Variants in ANKRD13C observed in about 807,000 individuals in gnomAD.
ANKRD13C encodes the protein ankyrin repeat domain 13C.
ANKRD13C carries 16 observed loss-of-function variants against 65.5 expected under a neutral mutation model. That is an observed-to-expected ratio of 0.24 (90% confidence interval 0.17 to 0.37). ANKRD13C has a LOEUF of 0.37. Ranked by LOEUF, ANKRD13C falls within the 10% of genes least tolerant of loss-of-function variation. The pLI is 1.00. For missense variants in ANKRD13C, 503 were observed against 655.9 expected (o/e 0.77, Z 2.55); for synonymous variants, 235 against 238.7 (o/e 0.98, Z 0.14).
At chr1:70,327,731 T>C (rs1171668747) in intron 2 of ANKRD13C, among the ~76,000 whole-genome samples, 1 of 152,182 alleles carries the variant, frequency 6.6e-6, no homozygotes, top group Non-Finnish European at 1.5e-5. Flanking sequence ...TAAAATGTCA[T>C]GATATCTACA....
Position 70,260,902 on chromosome 1 carries a change from A to G in ANKRD13C, c.*1815T>C, listed in dbSNP as rs1276244786. On this transcript the variant is annotated 3_prime_UTR_variant, in exon 13 of 13. Transcript: ENST00000370944. Reference sequence around the variant, plus strand: ...CTAAGGTGTCTGTACTTATGAAAACATATATAGCATATTCCTGAAAGTATA... The same window carrying G: ...CTAAGGTGTCTGTACTTATGAAAACGTATATAGCATATTCCTGAAAGTATA... The G allele has an allele frequency of 1.3e-5, 2 of 152,112 alleles. No individual in the cohort carries two copies. Among genetic ancestry groups the G allele is most frequent in the Non-Finnish European group, 1.5e-5 (1 of 67,954 alleles). The allele number at this position is 152,112 out of a possible 1,614,324, so 9.4% of individuals were successfully genotyped here.
intron 10 of ANKRD13C, 112 bp downstream of exon 10, chr1:70,276,653 A>G (rs1026423892): frequency 1.0e-5 from 9 of 900,034 alleles, no homozygotes; most frequent in Non-Finnish European, 1.2e-5. Flanking sequence ...TCAGTCAAAA[A>G]TATACCAATA....
intron 12 of ANKRD13C, among the ~76,000 whole-genome samples, chr1:70,270,482 G>A (rs1375395496): frequency 3.3e-5 from 5 of 152,140 alleles, no homozygotes; most frequent in Admixed American, 6.6e-5. Context: ...GATCTGTTTC[G>A]TGAAAGATAA....
chr1:70,270,149 C>CAGTA (rs1572020695), intron 12 of ANKRD13C, among the ~76,000 whole-genome samples: 1 of 152,192 alleles, frequency 6.6e-6, no homozygotes. Context: ...TATCCATCAA[C>CAGTA]AGTAACTGCT....
chr1:70,330,325 A>C (rs922055546), intron 2 of ANKRD13C, among the ~76,000 whole-genome samples: 7 of 152,168 alleles, frequency 4.6e-5, no homozygotes, highest in African/African-American at 1.7e-4. Context: ...TGGGAGGCCA[A>C]GGTGGGTGGA....
Position 70,354,275 on chromosome 1 carries a change from T to C in ANKRD13C, c.134A>G (p.Lys45Arg), listed in dbSNP as rs150419511. The C allele has an allele frequency of 1.2e-5, 20 of 1,613,738 alleles. No homozygotes were observed. In the African/African-American group the frequency reaches 1.7e-4, roughly 14 times the overall value. ...GGTFTRSRIG[K>R]GGKACHKIFS... ...GATCTTATGACAAGCTTTGCCGCCC[T>C]TGCCAATCCTGCTTCTGGTAAAGGT... The change falls in exon 1 of 13, where the codon AAG (lysine) becomes AGG (arginine). Residue 45 changes from lysine to arginine, a missense_variant. This residue lies in a region of ANKRD13C where 203 missense variants were observed against 177.6 expected (regional missense o/e 1.14). Coordinates refer to ENST00000370944, the MANE Select transcript of ANKRD13C (RefSeq NM_030816.5).
At chr1:70,282,302 G>T (rs534178752) in intron 9 of ANKRD13C, among the ~76,000 whole-genome samples, 2 of 151,614 alleles carry the variant, frequency 1.3e-5, no homozygotes, top group Admixed American at 1.3e-4. Flanking sequence ...TGATTTGCCC[G>T]CCTCAGCCTC....
intron 9 of ANKRD13C, among the ~76,000 whole-genome samples, chr1:70,286,586 T>C (rs1679631563): frequency 1.3e-5 from 2 of 152,010 alleles, no homozygotes; most frequent in South Asian, 4.1e-4. Flanking sequence ...TACAGTGAGG[T>C]AAGAAAAACA....
intron 4 of ANKRD13C, among the ~76,000 whole-genome samples, 176 bp downstream of exon 4, chr1:70,315,305 G>A (rs560627380): frequency 6.6e-6 from 1 of 151,962 alleles, no homozygotes; most frequent in African/African-American, 2.4e-5. Flanking sequence ...AGTTCAAACT[G>A]AGGTGCTTCT....
At chr1:70,273,002 T>C (rs931659152) in intron 11 of ANKRD13C, among the ~76,000 whole-genome samples, 1 of 150,378 alleles carries the variant, frequency 6.6e-6, no homozygotes, top group Non-Finnish European at 1.5e-5. Flanking sequence ...AATAAATAAA[T>C]AAATAAATAA....
intron 7 of ANKRD13C, among the ~76,000 whole-genome samples, chr1:70,296,899 C>G (rs1680101863): frequency 6.6e-6 from 1 of 152,098 alleles, no homozygotes; most frequent in Non-Finnish European, 1.5e-5. Flanking sequence ...AATGAGTAGT[C>G]ATGCTTCAGG....
At chr1:70,263,502 T>C (rs1678474875) in intron 12 of ANKRD13C, among the ~76,000 whole-genome samples, 1 of 152,132 alleles carries the variant, frequency 6.6e-6, no homozygotes, top group African/African-American at 2.4e-5. Flanking sequence ...AATGAACAAA[T>C]ACACATTAAA....
At chr1:70,282,705 T>C (rs1679451699) in intron 9 of ANKRD13C, among the ~76,000 whole-genome samples, 1 of 152,148 alleles carries the variant, frequency 6.6e-6, no homozygotes, top group Admixed American at 6.5e-5. Flanking sequence ...TTAGGTAAAA[T>C]AGTATCTAGT....
intron 11 of ANKRD13C, among the ~76,000 whole-genome samples, chr1:70,271,899 T>A (rs1275072229): frequency 2.0e-5 from 3 of 152,216 alleles, no homozygotes; most frequent in African/African-American, 7.2e-5. Flanking sequence ...GTCCTCCATA[T>A]CTATTGCTCA....
chr1:70,336,540 G>A (rs1042546764), intron 1 of ANKRD13C, among the ~76,000 whole-genome samples: 1 of 152,044 alleles, frequency 6.6e-6, no homozygotes. Flanking sequence ...TAAATAGAAG[G>A]GAGTACAGCC....
At chr1:70,301,002 C>A in intron 6 of ANKRD13C, 94 bp from the exon 7 acceptor site, 14 of 1,347,322 alleles carry the variant, frequency 1.0e-5, no homozygotes, top group South Asian at 1.5e-5. Context: ...AAACTCAAAC[C>A]AAGATGCTAA....
chr1:70,265,837 A>C (rs1678596184), intron 12 of ANKRD13C, among the ~76,000 whole-genome samples: 1 of 149,036 alleles, frequency 6.7e-6, no homozygotes, highest in South Asian at 2.1e-4. Context: ...AAAAAAAAAA[A>C]AAAAAAAAAA....
chr1:70,278,578 C>T (rs1679245978), intron 9 of ANKRD13C, among the ~76,000 whole-genome samples: 1 of 151,922 alleles, frequency 6.6e-6, no homozygotes, highest in East Asian at 1.9e-4. Context: ...TTTTCAATTG[C>T]TAATGAAAAC....
chr1:70,262,499 A>G lies in ANKRD13C; in HGVS notation c.*218T>C, dbSNP rs1678427622. On this transcript the variant is annotated 3_prime_UTR_variant, in exon 13 of 13. Coordinates refer to ENST00000370944, the MANE Select transcript of ANKRD13C (RefSeq NM_030816.5). The stretch of plus-strand genomic sequence containing the variant: ...ATTAATGTGTCAAACTATTACATTT[A>G]TAATATGTATATTTTTAAAAAGACA... 3.0e-6 allele frequency: 1 copy of G among 332,312 alleles called. No homozygotes were observed. Among genetic ancestry groups the G allele is most frequent in the East Asian group, 5.3e-5 (1 of 18,874 alleles). 20.6% of individuals were successfully genotyped at this position (332,312 alleles called of 1,614,324 possible). A position where few individuals can be genotyped will look rare whatever the true frequency, so the allele number is the denominator to read the frequency against.
Sources: gnomAD v4.1 joint callset for allele counts (sites outside exome capture counted in the v4.1 genomes callset) on GRCh38, gnomAD v4.1.1 for gene constraint, gnomAD v4.1.1 regional missense constraint, MANE v1.5 for transcripts, NCBI Gene and HGNC (gene_info 2026-07-23, HGNC 2026-07-21) for gene names.